SYCE2: variants seen among roughly 807,000 people sequenced by gnomAD.
SYCE2 encodes synaptonemal complex central element protein 2, also known as central element synaptonemal complex 1.
In SYCE2, 3 loss-of-function variants were observed where a neutral mutation model predicts 27.9. That is an observed-to-expected ratio of 0.11 (90% CI 0.05 to 0.28). SYCE2 has a LOEUF of 0.28. Among genes scored for constraint, SYCE2 ranks in the 10% least tolerant of loss-of-function variants. The probability of loss-of-function intolerance (pLI) is 1.00; values close to 1 mark genes in which losing one functional copy is unlikely to be tolerated. For missense variants in SYCE2, 207 were observed against 263.5 expected (o/e 0.79, Z 1.48); for synonymous variants, 85 against 100.7 (o/e 0.84, Z 0.93).
At chr19:12,913,159 G>A (rs563266021) in intron 2 of SYCE2, among the ~76,000 whole-genome samples, 1 of 152,334 alleles carries the variant, frequency 6.6e-6, no homozygotes, top group African/African-American at 2.4e-5. Flanking sequence ...TGGGGGCTGT[G>A]AACACAGCGC....
At chr19:12,899,568 T>C in intron 5 of SYCE2, 183 bp from the exon 6 acceptor site, 2 of 1,614,012 alleles carry the variant, frequency 1.2e-6, no homozygotes, top group South Asian at 1.1e-5. Context: ...CCCGAAACTC[T>C]CAAGCCCCTT....
intron 5 of SYCE2, chr19:12,899,683 A>G (rs1970789302): frequency 1.9e-6 from 3 of 1,612,514 alleles, no homozygotes; most frequent in Middle Eastern, 1.7e-4. Context: ...TTAAATATCA[A>G]AATTTCCCTT....
At chr19:12,915,829 T>G (rs1183463762) in intron 2 of SYCE2, among the ~76,000 whole-genome samples, 1 of 152,028 alleles carries the variant, frequency 6.6e-6, no homozygotes, top group Non-Finnish European at 1.5e-5. Flanking sequence ...GCACGAGCTC[T>G]TCTCTCAACC....
At chr19:12,904,462 T>TC in intron 3 of SYCE2, 30 bp downstream of exon 3, 1 of 1,613,314 alleles carries the variant, frequency 6.2e-7, no homozygotes, top group Non-Finnish European at 8.5e-7. Flanking sequence ...GCATAAGGAA[T>TC]CCCCCCTCTC....
intron 2 of SYCE2, 99 bp from the exon 3 acceptor site, chr19:12,904,765 C>T: frequency 7.3e-7 from 1 of 1,365,198 alleles, no homozygotes; most frequent in South Asian, 1.3e-5. Context: ...ACTTTGTAGG[C>T]CGAGGTGGGC....
chr19:12,900,527 T>C lies in SYCE2; in HGVS notation c.428A>G (p.Glu143Gly). The C allele has an allele frequency of 1.9e-6, 3 of 1,614,152 alleles. No homozygotes were observed. Among genetic ancestry groups the C allele is most frequent in the Non-Finnish European group, 2.5e-6 (3 of 1,180,034 alleles). The change falls in exon 4 of 6, where the codon GAG (glutamate) becomes GGG (glycine). Residue 143 changes from glutamate (E) to glycine (G), a missense_variant. Coordinates refer to ENST00000293695, the MANE Select transcript of SYCE2 (RefSeq NM_001105578.2). The part of the protein sequence containing the change: ...TQKMAKISHL[E>G]TELKQVCHSV... ...GTGGCAGACTTGTTTGAGCTCTGTC[T>C]CCAAATGGCTGATCTTTGCCATTTT... is the stretch of plus-strand genomic sequence containing the variant.
At chr19:12,908,619 C>G (rs542863879) in intron 2 of SYCE2, among the ~76,000 whole-genome samples, 1 of 152,064 alleles carries the variant, frequency 6.6e-6, no homozygotes, top group Non-Finnish European at 1.5e-5. Flanking sequence ...CCACCGCGCC[C>G]GGCCATCCTG....
At chr19:12,899,657 TGA>T (rs1198701813) in intron 5 of SYCE2, 3 of 1,612,194 alleles carry the variant, frequency 1.9e-6, no homozygotes, top group Non-Finnish European at 2.5e-6. Context: ...GAGTGGGAAG[TGA>T]GAGACACTGA....
intron 2 of SYCE2, among the ~76,000 whole-genome samples, chr19:12,912,551 T>C (rs1471276548): frequency 4.6e-5 from 7 of 152,168 alleles, no homozygotes; most frequent in East Asian, 1.9e-4. Flanking sequence ...AGCACTGACA[T>C]TGGGGCTCCC....
At chr19:12,904,822 A>C (rs1438393252) in intron 2 of SYCE2, 156 bp from the exon 3 acceptor site, 3 of 792,308 alleles carry the variant, frequency 3.8e-6, no homozygotes, top group African/African-American at 3.5e-5. Context: ...ACATGGTGAA[A>C]CCTCGTCTCT....
chr19:12,917,680 A>G (rs1971161707), intron 2 of SYCE2, among the ~76,000 whole-genome samples: 1 of 14,670 alleles, frequency 6.8e-5, no homozygotes, highest in African/African-American at 5.2e-4. Flanking sequence ...TTTTTTTGAG[A>G]CAGCGTTTCG....
At position 12,900,643 on chromosome 19, in the gene SYCE2, C is replaced by A; in HGVS notation, c.312G>T (p.Ser104=). ...NFRNSLKTKV[S]DLTEKLEERI... ...TCTCCTCTAATTTCTCTGTCAGATC[C>A]GAAACCTGTTAAACAATAAGATGTG... Residue 104 remains serine, a synonymous_variant, in exon 4 of 6, where the codon TCG becomes TCT. Transcript: ENST00000293695. 1 of 1,612,490 alleles carries A rather than the reference C, an allele frequency of 6.2e-7. No individual in the cohort carries two copies. Among genetic ancestry groups the A allele is most frequent in the Non-Finnish European group, 8.5e-7 (1 of 1,179,250 alleles).
intron 1 of SYCE2, among the ~76,000 whole-genome samples, chr19:12,918,934 G>C (rs1032431953): frequency 2.0e-5 from 3 of 147,014 alleles, no homozygotes; most frequent in Non-Finnish European, 4.5e-5. Flanking sequence ...CTGGGCGACA[G>C]AGTGATACTT....
In SYCE2 at chr19:12,899,992, A is replaced by G. The variant is rs1402737118; in HGVS notation, c.612+12T>C. On this transcript the variant is annotated intron_variant, in intron 5 of 5. Transcript: ENST00000293695. Reference sequence around the variant, plus strand: ...TGACCCCAAGGTGTCAGGCCGGTTTACTGGTAACCACCTGAGAAGTAGTTT... The same window carrying G: ...TGACCCCAAGGTGTCAGGCCGGTTTGCTGGTAACCACCTGAGAAGTAGTTT... 1.2e-6 allele frequency: 2 copies of G among 1,612,870 alleles called. No homozygotes were observed. The highest frequency in any genetic ancestry group is 3.3e-5 in the Admixed American group (2 of 59,890).
chr19:12,912,750 C>T (rs1421148059), intron 2 of SYCE2, among the ~76,000 whole-genome samples: 1 of 151,394 alleles, frequency 6.6e-6, no homozygotes, highest in Non-Finnish European at 1.5e-5. Context: ...AGGCTGGAAC[C>T]GGTTTTCATG....
intron 3 of SYCE2, among the ~76,000 whole-genome samples, 157 bp downstream of exon 3, chr19:12,904,335 G>A (rs1002438345): frequency 6.6e-6 from 1 of 152,102 alleles, no homozygotes; most frequent in Non-Finnish European, 1.5e-5. Flanking sequence ...ACTCACAATG[G>A]GTTTATTGGG....
At chr19:12,907,717 G>A (rs923024724) in intron 2 of SYCE2, among the ~76,000 whole-genome samples, 4 of 152,198 alleles carry the variant, frequency 2.6e-5, no homozygotes, top group Non-Finnish European at 4.4e-5. Flanking sequence ...CTTGAACCTG[G>A]GAGGCAGAGG....
At chr19:12,900,367 G>C (rs1403005798) in intron 4 of SYCE2, 93 bp downstream of exon 4, 2 of 1,410,956 alleles carry the variant, frequency 1.4e-6, no homozygotes, top group Admixed American at 4.6e-5. Context: ...CGGGGTCAGG[G>C]CTGGGTGCCT....
At chr19:12,905,794 T>C (rs958332815) in intron 2 of SYCE2, among the ~76,000 whole-genome samples, 2 of 152,196 alleles carry the variant, frequency 1.3e-5, no homozygotes, top group African/African-American at 2.4e-5. Flanking sequence ...TGTGCTACCA[T>C]GCACAGCTAA....
Sources: allele counts gnomAD v4.1 joint callset (sites outside exome capture counted in the v4.1 genomes callset), GRCh38; gene constraint gnomAD v4.1.1; transcripts MANE v1.5; gene names NCBI Gene and HGNC (gene_info 2026-07-23, HGNC 2026-07-21).